Variants in LCOR observed in about 807,000 individuals in gnomAD.
LCOR encodes ligand dependent nuclear receptor corepressor.
In LCOR, 14 loss-of-function variants were observed where a neutral mutation model predicts 64.4. The observed-to-expected ratio is 0.22, with a 90% CI of 0.14 to 0.34. LCOR has a LOEUF of 0.34. LCOR is among the 10% of genes least tolerant of loss of function. The probability of loss-of-function intolerance (pLI) is 1.00; values close to 1 mark genes in which losing one functional copy is unlikely to be tolerated. For missense variants in LCOR, 1,686 were observed against 1,765.3 expected, an observed-to-expected ratio of 0.96 and a Z score of 0.80; for synonymous variants, 643 against 642.5, an observed-to-expected ratio of 1.00 and a Z score of -0.01.
chr10:96,833,919 A>C (rs1475135132), intron 2 of LCOR, among the ~76,000 whole-genome samples: 1 of 151,576 alleles, frequency 6.6e-6, no homozygotes, highest in Non-Finnish European at 1.5e-5. Context: ...GGAAGGGTGG[A>C]GGGGGTGTGG....
intron 4 of LCOR, among the ~76,000 whole-genome samples, chr10:96,926,186 C>T (rs1296271561): frequency 6.6e-6 from 1 of 152,200 alleles, no homozygotes; most frequent in Non-Finnish European, 1.5e-5. Flanking sequence ...CATCTGCATA[C>T]AGCTTCATTC....
rs1028133821 is a variant in LCOR at position 96,991,916 on chromosome 10, A to G, written c.*6782A>G. The G allele has an allele frequency of 5.9e-5, 9 of 151,358 alleles. No individual in the cohort carries two copies. Among genetic ancestry groups the G allele is most frequent in the African/African-American group, 2.2e-4 (9 of 40,624 alleles). 9.4% of individuals were successfully genotyped at this position (151,358 alleles called of 1,614,324 possible). A position where few individuals can be genotyped will look rare whatever the true frequency, so the allele number is the denominator to read the frequency against. On this transcript the variant is annotated 3_prime_UTR_variant, in exon 8 of 8. Transcript: ENST00000421806. ...CTGAACACAAATTTGTCACATTGGA[A>G]GCATTTTTCTCTCAAAACTCTTTTC...
intron 5 of LCOR, among the ~76,000 whole-genome samples, chr10:96,947,880 A>G (rs1847615350): frequency 6.6e-6 from 1 of 152,154 alleles, no homozygotes; most frequent in Non-Finnish European, 1.5e-5. Context: ...TTATTTTTTT[A>G]AAAGGACTAT....
chr10:96,889,175 T>C (rs1468263708), intron 2 of LCOR, among the ~76,000 whole-genome samples: 1 of 152,198 alleles, frequency 6.6e-6, no homozygotes, highest in Non-Finnish European at 1.5e-5. Context: ...ATTTCCTCCA[T>C]AATATCCTTT....
intron 4 of LCOR, among the ~76,000 whole-genome samples, chr10:96,940,290 A>G (rs1275800156): frequency 6.7e-6 from 1 of 149,644 alleles, no homozygotes; most frequent in Non-Finnish European, 1.5e-5. Context: ...CAACTATAAT[A>G]AAGGTGGTCA....
chr10:96,840,983 CA>C (rs1370911247), intron 2 of LCOR, among the ~76,000 whole-genome samples: 2 of 151,982 alleles, frequency 1.3e-5, no homozygotes, highest in African/African-American at 4.8e-5. Flanking sequence ...ACACAAAATA[CA>C]AAAATTAGCT....
intron 4 of LCOR, among the ~76,000 whole-genome samples, chr10:96,939,721 T>C (rs1347427945): frequency 6.6e-6 from 1 of 152,200 alleles, no homozygotes; most frequent in Non-Finnish European, 1.5e-5. Flanking sequence ...CCCAGCACTT[T>C]GGGAGGCCGA....
At chr10:96,837,023 G>C (rs983396469) in intron 2 of LCOR, among the ~76,000 whole-genome samples, 1 of 147,240 alleles carries the variant, frequency 6.8e-6, no homozygotes, top group African/African-American at 2.5e-5. Flanking sequence ...ACGGAGTCTC[G>C]CTCTGTCGCC....
intron 7 of LCOR, among the ~76,000 whole-genome samples, chr10:96,953,210 A>T (rs1847711815): frequency 1.3e-5 from 2 of 152,008 alleles, no homozygotes; most frequent in Admixed American, 6.6e-5. Context: ...GGTTTATACT[A>T]GATATAAGTC....
At chr10:96,971,778 A>G (rs1485464729) in intron 7 of LCOR, among the ~76,000 whole-genome samples, 1 of 152,230 alleles carries the variant, frequency 6.6e-6, no homozygotes, top group East Asian at 1.9e-4. Context: ...CAACCCTTGT[A>G]GTTAAAACTG....
In LCOR at chr10:96,982,981, G is replaced by T. The variant is rs1848107080; in HGVS notation, c.2521G>T (p.Ala841Ser). Residue 841 changes from alanine to serine, a missense_variant, in exon 8 of 8, where the codon GCT becomes TCT. Coordinates refer to ENST00000421806, the MANE Select transcript of LCOR (RefSeq NM_001346516.2). ...LRNQSSDSSS[A>S]CLEIKVPKNP... Reference sequence around the variant, plus strand: ...AAATCAGAGTTCAGATTCTTCCTCAGCTTGTCTTGAAATCAAAGTTCCTAA... The same window carrying T: ...AAATCAGAGTTCAGATTCTTCCTCATCTTGTCTTGAAATCAAAGTTCCTAA... The T allele has an allele frequency of 6.2e-7, 1 of 1,612,886 alleles. No homozygotes were observed. The highest frequency in any genetic ancestry group is 1.1e-5 in the South Asian group (1 of 90,826).
At chr10:96,900,555 A>G (rs1846616427) in intron 2 of LCOR, among the ~76,000 whole-genome samples, 1 of 152,144 alleles carries the variant, frequency 6.6e-6, no homozygotes, top group Admixed American at 6.5e-5. Context: ...TGATAGGATC[A>G]ATCAAGGAAT....
chr10:96,894,211 C>T (rs1846498184), intron 2 of LCOR, among the ~76,000 whole-genome samples: 2 of 152,186 alleles, frequency 1.3e-5, no homozygotes, highest in African/African-American at 4.8e-5. Context: ...CCTGTGTCAG[C>T]CTCCCGAGCA....
chr10:96,834,689 A>T (rs1206838105), intron 2 of LCOR, among the ~76,000 whole-genome samples: 1 of 152,078 alleles, frequency 6.6e-6, no homozygotes, highest in Non-Finnish European at 1.5e-5. Context: ...TTAGTCTTTG[A>T]AAGATTTTTA....
chr10:96,948,174 A>G (rs1847619816), intron 5 of LCOR, among the ~76,000 whole-genome samples: 1 of 152,232 alleles, frequency 6.6e-6, no homozygotes, highest in African/African-American at 2.4e-5. Flanking sequence ...TTATGGTTTA[A>G]ACTTAACATT....
chr10:96,832,428 CCTCCGGCCGCCCCGCCGCCG>C, intron 1 of LCOR, 29 bp downstream of exon 1: 1 of 902,272 alleles, frequency 1.1e-6, no homozygotes, highest in Non-Finnish European at 1.3e-6. Context: ...CGCCGCCGCC[CCTCCGGCCGCCCCGCCGCCG>C]GTCGCCCCAG....
chr10:96,846,086 A>C (rs1370569078), intron 2 of LCOR, among the ~76,000 whole-genome samples: 1 of 151,984 alleles, frequency 6.6e-6, no homozygotes, highest in East Asian at 1.9e-4. Context: ...GTACAGCTGT[A>C]ATCTTGGCTA....
chr10:96,890,076 T>C (rs1461310059), intron 2 of LCOR, among the ~76,000 whole-genome samples: 2 of 152,068 alleles, frequency 1.3e-5, no homozygotes, highest in Admixed American at 1.3e-4. Context: ...CACTCGTTAT[T>C]TTCTTTGTAT....
rs567150651 is a variant in LCOR, at chr10:96,833,521, CT to C, written c.-330+43del. 432 of 855,026 alleles carry C rather than the reference CT, an allele frequency of 5.1e-4. 6 individuals carry two copies. In the African/African-American group the frequency reaches 7.5e-3, roughly 15 times the overall value. The allele number at this position is 855,026 out of a possible 1,614,324, so 53.0% of individuals were successfully genotyped here. A position where few individuals can be genotyped will look rare whatever the true frequency, so the allele number is the denominator to read the frequency against. On this transcript the variant is annotated intron_variant, in intron 2 of 7. Coordinates refer to ENST00000421806, the MANE Select transcript of LCOR (RefSeq NM_001346516.2). The stretch of plus-strand genomic sequence containing the variant: ...GTGTCTCCGCTCCGCCCGCCGCCCC[CT>C]AGCCCCAGTCCATCCTTGTGTCTGA...
Sources: gnomAD v4.1 joint callset for allele counts (sites outside exome capture counted in the v4.1 genomes callset) on GRCh38, gnomAD v4.1.1 for gene constraint, MANE v1.5 for transcripts, NCBI Gene and HGNC (gene_info 2026-07-23, HGNC 2026-07-21) for gene names.